The following XPO1 variants were observed in gnomAD, a reference collection of about 807,000 sequenced individuals.
The protein encoded by XPO1 is exportin 1, also known as exportin-1.
Under a neutral mutation model 133.3 loss-of-function variants are expected in XPO1, and 5 were observed. That is an observed-to-expected ratio of 0.04 (90% CI 0.02 to 0.08). XPO1 has a LOEUF of 0.08. Among genes scored for constraint, XPO1 ranks in the 10% least tolerant of loss-of-function variants. The pLI is 1.00. For synonymous variants in XPO1, 419 were observed against 408.2 expected (o/e 1.03, Z -0.32); for missense variants, 506 against 1,267.5 (o/e 0.40, Z 9.12).
chr2:61,501,879 G>T, intron 6 of XPO1, 117 bp downstream of exon 6: 1 of 778,950 alleles, frequency 1.3e-6, no homozygotes, highest in Non-Finnish European at 2.0e-6. Flanking sequence ...ATTATTATAA[G>T]AATACTATCA....
chr2:61,491,586 G>C (rs1267537929), intron 16 of XPO1, among the ~76,000 whole-genome samples: 1 of 151,464 alleles, frequency 6.6e-6, no homozygotes, highest in Non-Finnish European at 1.5e-5. Context: ...TTCTGGTCAA[G>C]AATCTGTCTC....
chr2:61,527,567 A>G (rs1359947889), intron 2 of XPO1, among the ~76,000 whole-genome samples: 2 of 152,202 alleles, frequency 1.3e-5, no homozygotes, highest in Admixed American at 1.3e-4. Flanking sequence ...AGAGTTACCA[A>G]GATCTCTCTA....
Position 61,500,029 on chromosome 2 carries a change from G to A in XPO1, c.409-135C>T, listed in dbSNP as rs898924406. The A allele has an allele frequency of 1.0e-5, 9 of 880,886 alleles. 1 individual carries two copies. The South Asian group carries it at 1.2e-4, about 12-fold the overall frequency. The allele number at this position is 880,886 out of a possible 1,614,324, so 54.6% of individuals were successfully genotyped here. A position where few individuals can be genotyped will look rare whatever the true frequency, so the allele number is the denominator to read the frequency against. On this transcript the variant is annotated intron_variant, in intron 6 of 24. Transcript: ENST00000401558. The stretch of plus-strand genomic sequence containing the variant: ...TTCATTTTCTCCTCCTTTATTAAAG[G>A]AAGAAATGTGCCACCCTCTTCACCC...
upstream of XPO1, chr2:61,538,435 G>T: frequency 6.5e-6 from 1 of 153,134 alleles, no homozygotes; most frequent in Non-Finnish European, 1.5e-5. Flanking sequence ...TCATTGGCCC[G>T]AGCGCCAGTC....
intron 1 of XPO1, 129 bp downstream of exon 1, chr2:61,537,433 C>A (rs1699402391): frequency 1.3e-5 from 2 of 148,368 alleles, no homozygotes; most frequent in Non-Finnish European, 3.0e-5. Flanking sequence ...CCGCCGCGCC[C>A]CCGGCCCGCC....
intron 18 of XPO1, 68 bp from the exon 19 acceptor site, chr2:61,488,339 T>C: frequency 7.1e-7 from 1 of 1,402,092 alleles, no homozygotes; most frequent in Non-Finnish European, 9.9e-7. Context: ...CAGGTGTACA[T>C]TAGATGCAAT....
intron 4 of XPO1, among the ~76,000 whole-genome samples, chr2:61,518,959 T>C (rs758881984): frequency 3.3e-5 from 5 of 152,172 alleles, no homozygotes; most frequent in Non-Finnish European, 7.3e-5. Context: ...ATTATGTCTA[T>C]CTTTTGCTCT....
chr2:61,505,661 C>T (rs572218691), intron 4 of XPO1, among the ~76,000 whole-genome samples: 1 of 152,016 alleles, frequency 6.6e-6, no homozygotes, highest in African/African-American at 2.4e-5. Context: ...CAGGTTTAAG[C>T]GATTATCCTG....
chr2:61,511,314 A>C (rs1348485892), intron 4 of XPO1, among the ~76,000 whole-genome samples: 1 of 152,096 alleles, frequency 6.6e-6, no homozygotes, highest in Non-Finnish European at 1.5e-5. Flanking sequence ...TTTAGTAGAG[A>C]TGGGGTTTCA....
intron 4 of XPO1, among the ~76,000 whole-genome samples, chr2:61,518,600 G>A (rs1402636666): frequency 6.6e-6 from 1 of 151,858 alleles, no homozygotes; most frequent in African/African-American, 2.4e-5. Flanking sequence ...CTGGGCAACA[G>A]AGCGAGACTC....
chr2:61,491,399 C>T (rs1029334857), intron 16 of XPO1, among the ~76,000 whole-genome samples: 3 of 150,596 alleles, frequency 2.0e-5, no homozygotes, highest in Non-Finnish European at 4.4e-5. Context: ...TGCAGTGAGC[C>T]GAGATTGCGC....
intron 4 of XPO1, among the ~76,000 whole-genome samples, chr2:61,515,296 A>G (rs1698315622): frequency 6.6e-6 from 1 of 152,206 alleles, no homozygotes; most frequent in African/African-American, 2.4e-5. Flanking sequence ...AAAGGCCAAT[A>G]TCAATTAAAG....
chr2:61,523,172 A>G (rs1346319010), intron 3 of XPO1, among the ~76,000 whole-genome samples: 1 of 152,226 alleles, frequency 6.6e-6, no homozygotes, highest in Non-Finnish European at 1.5e-5. Context: ...GAAAGTGTTT[A>G]CAAGCATCAC....
chr2:61,484,926 G>A (rs1696605385), intron 20 of XPO1: 1 of 152,336 alleles, frequency 6.6e-6, no homozygotes, highest in African/African-American at 2.4e-5. Flanking sequence ...TAATCTTTGA[G>A]TAGAGATGGG....
intron 24 of XPO1, among the ~76,000 whole-genome samples, chr2:61,479,334 C>T (rs1696214765): frequency 1.3e-5 from 2 of 152,036 alleles, no homozygotes; most frequent in South Asian, 4.1e-4. Flanking sequence ...CGCCTGTAAT[C>T]CCAGCTACTT....
chr2:61,537,849 G>C lies in XPO1; in HGVS notation c.-294C>G, dbSNP rs1209126326. On this transcript the variant is annotated 5_prime_UTR_variant, in exon 1 of 25. Coordinates refer to ENST00000401558, the MANE Select transcript of XPO1 (RefSeq NM_003400.4). ...TGCTCCCGCCCGGCTGGGGAGTGAG[G>C]GAAGGGGGAGGGAACGGGGTCAAGT... The C allele has an allele frequency of 6.4e-6, 1 of 157,050 alleles. No homozygotes were observed. The highest frequency in any genetic ancestry group is 1.4e-5 in the Non-Finnish European group (1 of 71,878). 9.7% of individuals were successfully genotyped at this position (157,050 alleles called of 1,614,324 possible). A position where few individuals can be genotyped will look rare whatever the true frequency, so the allele number is the denominator to read the frequency against.
intron 3 of XPO1, chr2:61,525,286 G>A (rs939874629): frequency 8.1e-6 from 8 of 985,564 alleles, no homozygotes; most frequent in African/African-American, 1.7e-5. Flanking sequence ...GAGGCCTGCC[G>A]TCAAAGCCTA....
intron 4 of XPO1, among the ~76,000 whole-genome samples, chr2:61,511,757 C>A (rs1052674405): frequency 2.7e-4 from 41 of 151,626 alleles, no homozygotes; most frequent in African/African-American, 9.9e-4. Context: ...ATTTCTTTTT[C>A]TTTTCTTTTT....
chr2:61,526,621 CAG>C (rs1698913447), intron 2 of XPO1, 100 bp from the exon 3 acceptor site: 5 of 809,582 alleles, frequency 6.2e-6, no homozygotes, highest in Non-Finnish European at 8.8e-6. Context: ...TCTAATTGGA[CAG>C]AGATTCTATT....
Sources: gnomAD v4.1 joint callset for allele counts (sites outside exome capture counted in the v4.1 genomes callset) on GRCh38, gnomAD v4.1.1 for gene constraint, MANE v1.5 for transcripts, NCBI Gene and HGNC (gene_info 2026-07-23, HGNC 2026-07-21) for gene names.